Variants in ERO1B observed in about 807,000 individuals in gnomAD.
ERO1B encodes ERO1-like protein beta.
Under a neutral mutation model 75.3 loss-of-function variants are expected in ERO1B, and 49 were observed. The observed-to-expected ratio is 0.65, with a 90% CI of 0.52 to 0.83. The LOEUF is 0.83. ERO1B is among the 40% of genes least tolerant of loss of function. The pLI is 0.00. For synonymous variants in ERO1B, 191 were observed against 192.9 expected (o/e 0.99, Z 0.08); for missense variants, 512 against 560.1 (o/e 0.91, Z 0.87).
intron 2 of ERO1B, among the ~76,000 whole-genome samples, chr1:236,256,967 G>A (rs1349769612): frequency 3.3e-5 from 5 of 152,196 alleles, no homozygotes; most frequent in Admixed American, 1.3e-4. Flanking sequence ...TGCCTCAGAT[G>A]CTCTCTTTGG....
At chr1:236,225,704 G>T (rs1424734834) in intron 12 of ERO1B, among the ~76,000 whole-genome samples, 1 of 152,210 alleles carries the variant, frequency 6.6e-6, no homozygotes, top group Non-Finnish European at 1.5e-5. Flanking sequence ...GGAGGCAGAG[G>T]AGGGTGCATC....
Position 236,230,259 on chromosome 1 carries a change from G to T in ERO1B, c.686-9C>A, listed in dbSNP as rs779549567. ...TGTGTAGAATGATTCTCCTGAGAGA[G>T]AGAGAAAAGTGGATTAAAACATTAT... On this transcript the variant is annotated splice_polypyrimidine_tract_variant and intron_variant, in intron 9 of 15. Coordinates refer to ENST00000354619, the MANE Select transcript of ERO1B (RefSeq NM_019891.4). 3.8e-6 allele frequency: 6 copies of T among 1,588,466 alleles called. No individual in the cohort carries two copies. Among genetic ancestry groups the T allele is most frequent in the Non-Finnish European group, 5.2e-6 (6 of 1,158,744 alleles).
intron 2 of ERO1B, among the ~76,000 whole-genome samples, chr1:236,257,224 G>A (rs1186883199): frequency 6.6e-6 from 1 of 152,188 alleles, no homozygotes; most frequent in Non-Finnish European, 1.5e-5. Flanking sequence ...GGCTGATTGG[G>A]AAGAAACACC....
At chr1:236,258,449 C>T (rs1168039328) in intron 2 of ERO1B, among the ~76,000 whole-genome samples, 1 of 152,096 alleles carries the variant, frequency 6.6e-6, no homozygotes, top group East Asian at 1.9e-4. Flanking sequence ...ATCCAGTGAT[C>T]CTGTTCTTCA....
At chr1:236,252,243 A>G in intron 3 of ERO1B, 152 bp from the exon 4 acceptor site, 2 of 611,930 alleles carry the variant, frequency 3.3e-6, no homozygotes, top group Non-Finnish European at 2.9e-6. Flanking sequence ...TTTTCACACT[A>G]TCTCATAAAG....
At chr1:236,231,682 C>T (rs1017180585) in intron 9 of ERO1B, among the ~76,000 whole-genome samples, 8 of 151,992 alleles carry the variant, frequency 5.3e-5, no homozygotes, top group African/African-American at 1.9e-4. Flanking sequence ...ACCGAACACT[C>T]AGATGAGCTG....
intron 15 of ERO1B, 99 bp from the exon 16 acceptor site, chr1:236,218,675 C>G: frequency 9.3e-7 from 1 of 1,076,584 alleles, no homozygotes; most frequent in Non-Finnish European, 1.2e-6. Flanking sequence ...AAAGCAAAAC[C>G]TAAAATAAAA....
chr1:236,255,662 G>T (rs1388758263), intron 2 of ERO1B, among the ~76,000 whole-genome samples: 1 of 152,126 alleles, frequency 6.6e-6, no homozygotes, highest in African/African-American at 2.4e-5. Context: ...ATGTAAAATG[G>T]GTATGACTAG....
intron 2 of ERO1B, among the ~76,000 whole-genome samples, chr1:236,256,452 T>C (rs1665162699): frequency 6.6e-6 from 1 of 151,832 alleles, no homozygotes. Context: ...CCACCACGAA[T>C]GGAAGGGACA....
chr1:236,259,730 T>C (rs990612135), intron 2 of ERO1B, among the ~76,000 whole-genome samples: 2 of 151,852 alleles, frequency 1.3e-5, no homozygotes, highest in African/African-American at 4.8e-5. Context: ...AAAAGGTAAA[T>C]ATATAAAGCA....
intron 5 of ERO1B, among the ~76,000 whole-genome samples, chr1:236,245,580 AT>A (rs71176472): frequency 6.7e-4 from 1 of 1,484 alleles, no homozygotes; most frequent in African/African-American, 7.7e-4. Flanking sequence ...ATATATATAT[AT>A]TTTTTTTTTT....
chr1:236,263,835 G>A (rs1337147186), intron 2 of ERO1B, among the ~76,000 whole-genome samples: 6 of 124,824 alleles, frequency 4.8e-5, no homozygotes, highest in Non-Finnish European at 8.1e-5. Context: ...TGTTGCCTAG[G>A]CTTGTCTCAA....
At chr1:236,253,280 G>A in intron 3 of ERO1B, 142 bp downstream of exon 3, 1 of 595,846 alleles carries the variant, frequency 1.7e-6, no homozygotes, top group Non-Finnish European at 3.0e-6. Context: ...CAATAATCTG[G>A]TTCTAAAGGA....
At chr1:236,225,305 A>G (rs1017053914) in intron 12 of ERO1B, among the ~76,000 whole-genome samples, 166 bp from the exon 13 acceptor site, 2 of 152,238 alleles carry the variant, frequency 1.3e-5, no homozygotes, top group African/African-American at 4.8e-5. Context: ...CACATAAACT[A>G]TTTCATAAAA....
intron 1 of ERO1B, chr1:236,281,323 G>A (rs897997272): frequency 6.3e-5 from 11 of 174,990 alleles, no homozygotes; most frequent in Non-Finnish European, 9.6e-5. Context: ...TTCTCTGGGC[G>A]CTCGCTCCCT....
At chr1:236,246,535 A>G (rs1408287999) in intron 5 of ERO1B, among the ~76,000 whole-genome samples, 1 of 152,210 alleles carries the variant, frequency 6.6e-6, no homozygotes, top group Non-Finnish European at 1.5e-5. Context: ...GAATGGAAAC[A>G]TGGCACATTC....
chr1:236,241,124 G>C (rs989752564), intron 6 of ERO1B, among the ~76,000 whole-genome samples: 1 of 152,124 alleles, frequency 6.6e-6, no homozygotes, highest in Non-Finnish European at 1.5e-5. Context: ...CAGCAAAACA[G>C]CAGGAAATGG....
chr1:236,281,563 A>T, intron 1 of ERO1B, 119 bp downstream of exon 1: 1 of 500,140 alleles, frequency 2.0e-6, no homozygotes, highest in Non-Finnish European at 3.1e-6. Context: ...TGCTCGCCAG[A>T]AATCACCTCT....
chr1:236,235,932 C>CTT, intron 7 of ERO1B, 97 bp from the exon 8 acceptor site: 113 of 925,216 alleles, frequency 1.2e-4, no homozygotes, highest in Admixed American at 2.1e-4. Context: ...TCCCCACCCT[C>CTT]TTTTTTTTTT....
Sources: allele counts gnomAD v4.1 joint callset (sites outside exome capture counted in the v4.1 genomes callset), GRCh38; gene constraint gnomAD v4.1.1; transcripts MANE v1.5; gene names NCBI Gene and HGNC (gene_info 2026-07-23, HGNC 2026-07-21).